CNBD1: variants seen among roughly 807,000 people sequenced by gnomAD.
CNBD1 encodes the protein cyclic nucleotide binding domain containing 1, also known as cyclic nucleotide-binding domain-containing protein 1.
A neutral mutation model predicts 54.4 loss-of-function variants in CNBD1; 71 were observed. The ratio of observed to expected loss-of-function variants is 1.30; its 90% CI spans 1.08 to 1.59. The LOEUF (loss-of-function observed/expected upper bound fraction) is 1.59. CNBD1 is among the 40% of genes most tolerant of loss of function. The pLI is 0.00. For missense variants in CNBD1, 659 were observed against 518.0 expected, an observed-to-expected ratio of 1.27 and a Z score of -2.64; for synonymous variants, 182 against 170.7, an observed-to-expected ratio of 1.07 and a Z score of -0.51.
At chr8:87,079,184 A>T (rs1214515141) in intron 4 of CNBD1, among the ~76,000 whole-genome samples, 3 of 152,050 alleles carry the variant, frequency 2.0e-5, no homozygotes, top group African/African-American at 7.2e-5. Context: ...GTTTTGTGGT[A>T]ATCTGTTACT....
At chr8:87,399,102 T>C (rs1375995153) in intron 2 of CNBD1, among the ~76,000 whole-genome samples, 1 of 152,114 alleles carries the variant, frequency 6.6e-6, no homozygotes, top group Admixed American at 6.6e-5. Flanking sequence ...TGGAACAGTA[T>C]ATTTCTGTTT....
At chr8:87,426,378 A>G (rs1412935829) in intron 2 of CNBD1, among the ~76,000 whole-genome samples, 1 of 152,220 alleles carries the variant, frequency 6.6e-6, no homozygotes, top group Non-Finnish European at 1.5e-5. Flanking sequence ...TAAATGCAAC[A>G]TCATGATCGG....
chr8:87,291,105 TGTTATTCAG>T (rs780908826), intron 8 of CNBD1, among the ~76,000 whole-genome samples: 2 of 152,208 alleles, frequency 1.3e-5, no homozygotes, highest in Non-Finnish European at 2.9e-5. Flanking sequence ...GTCCTCTCAT[TGTTATTCAG>T]GTAAAATGCA....
At chr8:87,410,742 G>T (rs551750617) in intron 2 of CNBD1, among the ~76,000 whole-genome samples, 1 of 152,112 alleles carries the variant, frequency 6.6e-6, no homozygotes, top group Non-Finnish European at 1.5e-5. Flanking sequence ...GGAATCTTTT[G>T]TGAAAGGAAG....
intron 4 of CNBD1, among the ~76,000 whole-genome samples, chr8:87,116,785 G>A (rs894552177): frequency 2.6e-5 from 4 of 152,066 alleles, no homozygotes; most frequent in Non-Finnish European, 5.9e-5. Flanking sequence ...GAGGTCAACT[G>A]CAATGTGCCA....
chr8:87,004,361 A>G (rs1171297498), intron 4 of CNBD1, among the ~76,000 whole-genome samples: 3 of 152,118 alleles, frequency 2.0e-5, no homozygotes, highest in Admixed American at 6.5e-5. Context: ...AGTAATGTGC[A>G]TTGTCTTTTC....
At chr8:87,265,771 T>G (rs1808243271) in intron 6 of CNBD1, among the ~76,000 whole-genome samples, 1 of 152,128 alleles carries the variant, frequency 6.6e-6, no homozygotes, top group African/African-American at 2.4e-5. Context: ...TGACAGAAAC[T>G]ATATGGTCTG....
chr8:87,344,865 G>A (rs1810138132), intron 8 of CNBD1, among the ~76,000 whole-genome samples: 1 of 152,204 alleles, frequency 6.6e-6, no homozygotes, highest in South Asian at 2.1e-4. Flanking sequence ...TAGGTAGTTA[G>A]GCAGTGTTAG....
intron 8 of CNBD1, among the ~76,000 whole-genome samples, chr8:87,327,546 G>A (rs182352278): frequency 3.9e-5 from 6 of 152,240 alleles, no homozygotes; most frequent in East Asian, 1.9e-4. Flanking sequence ...CGCAATATTC[G>A]GGTGGGAGTG....
At chr8:87,278,022 A>G (rs1248745226) in intron 6 of CNBD1, among the ~76,000 whole-genome samples, 1 of 151,674 alleles carries the variant, frequency 6.6e-6, no homozygotes, top group African/African-American at 2.4e-5. Context: ...AAGCTTCATA[A>G]CTTAAAAATG....
intron 4 of CNBD1, among the ~76,000 whole-genome samples, chr8:87,050,841 C>A (rs549848535): frequency 1.3e-5 from 2 of 152,214 alleles, no homozygotes; most frequent in African/African-American, 4.8e-5. Flanking sequence ...CCTAAGGAGG[C>A]CTTGTGCTTT....
At chr8:86,995,100 G>T (rs747778215) in intron 4 of CNBD1, among the ~76,000 whole-genome samples, 2 of 152,156 alleles carry the variant, frequency 1.3e-5, no homozygotes, top group East Asian at 3.9e-4. Context: ...ATAAAGCTTG[G>T]TGGGGATGCA....
intron 4 of CNBD1, among the ~76,000 whole-genome samples, chr8:87,051,107 G>A (rs1347961048): frequency 6.6e-6 from 1 of 152,196 alleles, no homozygotes; most frequent in African/African-American, 2.4e-5. Flanking sequence ...GCAAAGGAGT[G>A]AGACTTTCAG....
chr8:87,416,284 G>T (rs1055450790), intron 2 of CNBD1, among the ~76,000 whole-genome samples: 1 of 151,876 alleles, frequency 6.6e-6, no homozygotes, highest in Non-Finnish European at 1.5e-5. Flanking sequence ...GACAAAATAA[G>T]GACCTTCAAA....
Position 87,353,724 on chromosome 8 carries a change from C to G in CNBD1, c.1241C>G (p.Thr414Arg). Residue 414 changes from threonine to arginine, a missense_variant, in exon 10 of 11, where the codon ACG (threonine) becomes AGG (arginine). Thr to Arg is a moderately conservative substitution (Grantham distance 71, BLOSUM62 -1). Transcript: ENST00000518476. ...EISVLLQVPFTCTIITKKEVE... is the reference protein window; with the variant it reads ...EISVLLQVPFRCTIITKKEVE... ...AGCGTCCTTCTTCAAGTTCCTTTCA[C>G]GTGCACAATCATTACCAAAAAAGAA... is the stretch of plus-strand genomic sequence containing the variant. The G allele has an allele frequency of 6.2e-7, 1 of 1,611,450 alleles. No homozygotes were observed. The highest frequency in any genetic ancestry group is 8.5e-7 in the Non-Finnish European group (1 of 1,178,586).
intron 3 of CNBD1, among the ~76,000 whole-genome samples, chr8:86,910,816 G>T (rs1277339456): frequency 6.6e-6 from 1 of 152,138 alleles, no homozygotes; most frequent in Non-Finnish European, 1.5e-5. Context: ...ACAAAAGAAA[G>T]GGAAAAGTTC....
intron 4 of CNBD1, among the ~76,000 whole-genome samples, chr8:86,966,904 G>C (rs113131525): frequency 2.0e-5 from 3 of 152,108 alleles, no homozygotes; most frequent in African/African-American, 7.2e-5. Flanking sequence ...TTGGCCCCAC[G>C]CACATCTTGC....
chr8:87,390,242 A>T (rs1652241304), intron 2 of CNBD1, among the ~76,000 whole-genome samples: 1 of 152,226 alleles, frequency 6.6e-6, no homozygotes, highest in Non-Finnish European at 1.5e-5. Flanking sequence ...GCCAAAATTG[A>T]CAAATGGGAT....
chr8:87,271,245 A>AT lies in CNBD1; in HGVS notation c.772-13425dup, dbSNP rs939092461. Reference sequence around the variant, plus strand: ...ATTTCACTTTGTTGATCTTGTATATATTTTTTTTCAGTCTCAATTTCATTT... The same window carrying AT: ...ATTTCACTTTGTTGATCTTGTATATATTTTTTTTTCAGTCTCAATTTCATTT... On this transcript the variant is annotated intron_variant, in intron 6 of 10. Coordinates refer to ENST00000518476, the MANE Select transcript of CNBD1 (RefSeq NM_173538.3). 8.7e-4 allele frequency among the ~76,000 whole-genome samples: 129 copies of AT among 148,634 alleles called. 1 individual carries two copies. The highest frequency in any genetic ancestry group is 3.0e-3 in the African/African-American group (121 of 40,452).
Sources: allele counts gnomAD v4.1 joint callset (sites outside exome capture counted in the v4.1 genomes callset), GRCh38; gene constraint gnomAD v4.1.1; transcripts MANE v1.5; gene names NCBI Gene and HGNC (gene_info 2026-07-23, HGNC 2026-07-21).